RAD51B: variants seen among roughly 807,000 people sequenced by gnomAD.
RAD51B encodes the protein RAD51 paralog B.
Under a neutral mutation model 42.2 loss-of-function variants are expected in RAD51B, and 38 were observed. That is an observed-to-expected ratio of 0.90 (90% CI 0.70 to 1.18). The LOEUF (loss-of-function observed/expected upper bound fraction) is 1.18. RAD51B is among the 50% of genes most tolerant of loss of function. RAD51B has a pLI of 0.00. For missense variants in RAD51B, 373 were observed against 400.7 expected, an observed-to-expected ratio of 0.93 and a Z score of 0.59; for synonymous variants, 154 against 145.2, an observed-to-expected ratio of 1.06 and a Z score of -0.43.
chr14:67,941,991 GTT>G (rs1219423999), intron 7 of RAD51B, among the ~76,000 whole-genome samples: 1 of 152,162 alleles, frequency 6.6e-6, no homozygotes, highest in Non-Finnish European at 1.5e-5. Flanking sequence ...GTAGAAAACT[GTT>G]TGCTTTTTTA....
chr14:68,358,039 A>G (rs544263540), intron 8 of RAD51B, among the ~76,000 whole-genome samples: 1 of 152,208 alleles, frequency 6.6e-6, no homozygotes, highest in African/African-American at 2.4e-5. Context: ...AGAAGAGGAA[A>G]AGATGGGGAA....
intron 10 of RAD51B, among the ~76,000 whole-genome samples, chr14:68,551,961 G>A (rs1888598433): frequency 6.6e-6 from 1 of 152,178 alleles, no homozygotes; most frequent in South Asian, 2.1e-4. Flanking sequence ...ATGAAGACAG[G>A]GACCACGTCT....
At chr14:68,072,063 T>TATAATTA in intron 7 of RAD51B, among the ~76,000 whole-genome samples, 1 of 90,674 alleles carries the variant, frequency 1.1e-5, no homozygotes, top group African/African-American at 7.8e-5. Context: ...TTATATATAT[T>TATAATTA]TATATAAATA....
At chr14:68,526,422 G>A (rs1458913038) in intron 10 of RAD51B, among the ~76,000 whole-genome samples, 3 of 152,192 alleles carry the variant, frequency 2.0e-5, no homozygotes, top group Non-Finnish European at 4.4e-5. Context: ...TTCTCAGAAC[G>A]TGTCGTTAAG....
chr14:68,608,293 G>C (rs889817124), intron 10 of RAD51B, among the ~76,000 whole-genome samples: 1 of 152,204 alleles, frequency 6.6e-6, no homozygotes, highest in Non-Finnish European at 1.5e-5. Flanking sequence ...AACAAATTGC[G>C]AGTGGGGCGT....
chr14:67,845,504 C>CA (rs1484668789), intron 4 of RAD51B, among the ~76,000 whole-genome samples: 1 of 151,782 alleles, frequency 6.6e-6, no homozygotes, highest in Non-Finnish European at 1.5e-5. Flanking sequence ...CCTGTCTCTA[C>CA]AAAAAATGCT....
At chr14:67,847,362 G>T (rs548031972) in intron 4 of RAD51B, among the ~76,000 whole-genome samples, 10 of 140,174 alleles carry the variant, frequency 7.1e-5, no homozygotes, top group African/African-American at 2.7e-4. Context: ...ATTCCATTAG[G>T]TGCAAAGTTA....
chr14:68,669,646 A>G (rs1324663796), intron 11 of RAD51B, among the ~76,000 whole-genome samples: 1 of 151,922 alleles, frequency 6.6e-6, no homozygotes, highest in Non-Finnish European at 1.5e-5. Context: ...ACACACACAC[A>G]CACACACACA....
chr14:68,591,311 T>A (rs929885430), intron 10 of RAD51B, among the ~76,000 whole-genome samples: 1 of 152,192 alleles, frequency 6.6e-6, no homozygotes, highest in Non-Finnish European at 1.5e-5. Context: ...TGCCAGGGAC[T>A]CTGGATGCGC....
At chr14:67,995,793 A>G (rs967905722) in intron 7 of RAD51B, among the ~76,000 whole-genome samples, 3 of 151,380 alleles carry the variant, frequency 2.0e-5, no homozygotes, top group African/African-American at 7.3e-5. Context: ...AATTTTTTGT[A>G]TTTTTAGTAG....
intron 9 of RAD51B, among the ~76,000 whole-genome samples, chr14:68,444,579 G>C (rs2085378825): frequency 6.6e-6 from 1 of 152,218 alleles, no homozygotes; most frequent in South Asian, 2.1e-4. Flanking sequence ...AGACTCAGCA[G>C]TGGTGGCATT....
chr14:68,199,762 A>G (rs972398852), intron 7 of RAD51B, among the ~76,000 whole-genome samples: 2 of 152,148 alleles, frequency 1.3e-5, no homozygotes, highest in African/African-American at 2.4e-5. Flanking sequence ...CTGCCATTCA[A>G]TAATAGCTTG....
intron 7 of RAD51B, among the ~76,000 whole-genome samples, chr14:68,137,223 C>G (rs2078029523): frequency 6.6e-6 from 1 of 152,134 alleles, no homozygotes; most frequent in African/African-American, 2.4e-5. Context: ...TTGCAGTGAG[C>G]CGAGACCACG....
At chr14:68,440,097 C>CTA (rs1202039038) in intron 9 of RAD51B, among the ~76,000 whole-genome samples, 1 of 152,162 alleles carries the variant, frequency 6.6e-6, no homozygotes, top group Admixed American at 6.5e-5. Flanking sequence ...AAAGAGACTC[C>CTA]TATAACCCTC....
chr14:68,613,414 G>A (rs1891748056), downstream of RAD51B, among the ~76,000 whole-genome samples: 1 of 135,894 alleles, frequency 7.4e-6, no homozygotes, highest in South Asian at 2.6e-4. Context: ...GCAAAACTCT[G>A]TCTCAAAAAA....
intron 7 of RAD51B, among the ~76,000 whole-genome samples, chr14:68,049,930 G>C (rs1343452450): frequency 6.6e-6 from 1 of 152,022 alleles, no homozygotes; most frequent in Non-Finnish European, 1.5e-5. Flanking sequence ...TTTATTTCCG[G>C]CTCCAACGTA....
At chr14:67,897,457 G>C (rs2140083046) in intron 7 of RAD51B, among the ~76,000 whole-genome samples, 1 of 152,182 alleles carries the variant, frequency 6.6e-6, no homozygotes, top group East Asian at 1.9e-4. Context: ...CAAAAGAACT[G>C]AATAGAAATT....
rs61985778 is a variant in RAD51B, at chr14:68,548,698, C to G, written c.1037-45787C>G. On this transcript the variant is annotated intron_variant, in intron 10 of 10. Coordinates refer to the RAD51B transcript ENST00000487270. ...CACAGAGCATCACATGCAAGGAGGC[C>G]GGAAGTGTAGTCAGTGATGCGCAGG... is the stretch of plus-strand genomic sequence containing the variant. Among the ~76,000 whole-genome samples, 3 of 152,130 alleles carry G rather than the reference C, an allele frequency of 2.0e-5. No individual in the cohort carries two copies. In the East Asian group the frequency reaches 5.8e-4, roughly 29 times the overall value.
chr14:68,505,184 G>A (rs1041906871), intron 10 of RAD51B, among the ~76,000 whole-genome samples: 1 of 152,248 alleles, frequency 6.6e-6, no homozygotes, highest in Non-Finnish European at 1.5e-5. Flanking sequence ...GAGGGAGCAC[G>A]AGGATGGAGC....
Sources: allele counts gnomAD v4.1 joint callset (sites outside exome capture counted in the v4.1 genomes callset), GRCh38; gene constraint gnomAD v4.1.1; transcripts MANE v1.5; gene names NCBI Gene and HGNC (gene_info 2026-07-23, HGNC 2026-07-21).